HCN1: variants seen among roughly 807,000 people sequenced by gnomAD.
HCN1 encodes the protein potassium/sodium hyperpolarization-activated cyclic nucleotide-gated channel 1.
In HCN1, 13 loss-of-function variants were observed where a neutral mutation model predicts 78.9. The observed-to-expected ratio is 0.16, with a 90% CI of 0.11 to 0.26. The LOEUF is 0.26. HCN1 is among the 10% of genes least tolerant of loss of function. The pLI is 1.00. For synonymous variants in HCN1, 552 were observed against 455.5 expected, an observed-to-expected ratio of 1.21 and a Z score of -2.70; for missense variants, 810 against 1,154.3, an observed-to-expected ratio of 0.70 and a Z score of 4.32.
At chr5:45,601,309 A>G (rs1166945846) in intron 2 of HCN1, among the ~76,000 whole-genome samples, 1 of 152,122 alleles carries the variant, frequency 6.6e-6, no homozygotes, top group Non-Finnish European at 1.5e-5. Flanking sequence ...CCAATAATGA[A>G]TAGATTCTAC....
chr5:45,497,717 C>T (rs1742076420), intron 2 of HCN1, among the ~76,000 whole-genome samples: 1 of 152,108 alleles, frequency 6.6e-6, no homozygotes, highest in South Asian at 2.1e-4. Context: ...TTTGCAGCAG[C>T]TGGTACTGGT....
At chr5:45,498,362 T>C (rs913853655) in intron 2 of HCN1, among the ~76,000 whole-genome samples, 10 of 152,242 alleles carry the variant, frequency 6.6e-5, no homozygotes, top group Non-Finnish European at 1.5e-4. Context: ...ATACTGCTTC[T>C]TCCAGTTCAT....
intron 6 of HCN1, among the ~76,000 whole-genome samples, chr5:45,292,454 T>A (rs1344358478): frequency 6.6e-6 from 1 of 151,984 alleles, no homozygotes; most frequent in Non-Finnish European, 1.5e-5. Flanking sequence ...CTGCTAGACA[T>A]CATTCCTACA....
At chr5:45,270,928 G>A (rs2111852454) in intron 6 of HCN1, among the ~76,000 whole-genome samples, 1 of 151,996 alleles carries the variant, frequency 6.6e-6, no homozygotes, top group East Asian at 1.9e-4. Context: ...TGATTTTCTG[G>A]CCTCTGTCAT....
intron 6 of HCN1, among the ~76,000 whole-genome samples, chr5:45,281,592 T>A (rs1313033038): frequency 1.5e-5 from 2 of 134,254 alleles, no homozygotes; most frequent in Non-Finnish European, 3.2e-5. Flanking sequence ...TTTTTTTTTT[T>A]TTTTTTTTTT....
At chr5:45,425,210 T>A (rs1579885505) in intron 3 of HCN1, among the ~76,000 whole-genome samples, 1 of 152,202 alleles carries the variant, frequency 6.6e-6, no homozygotes, top group Admixed American at 6.5e-5. Context: ...ATGCCCACAC[T>A]TAACAGCTTC....
chr5:45,476,455 C>T (rs1378041082), intron 2 of HCN1, among the ~76,000 whole-genome samples: 1 of 152,138 alleles, frequency 6.6e-6, no homozygotes, highest in African/African-American at 2.4e-5. Context: ...CCCAAGAAAA[C>T]TAAGACAAGG....
intron 3 of HCN1, among the ~76,000 whole-genome samples, chr5:45,414,780 C>T (rs898619281): frequency 7.2e-5 from 11 of 152,038 alleles, no homozygotes; most frequent in Non-Finnish European, 8.8e-5. Flanking sequence ...CCCATTCCTG[C>T]CTAGTGCTTA....
chr5:45,380,712 T>G (rs1747791529), intron 4 of HCN1, among the ~76,000 whole-genome samples: 1 of 152,128 alleles, frequency 6.6e-6, no homozygotes, highest in South Asian at 2.1e-4. Context: ...TTTGTGCCTT[T>G]GTTAGACCTG....
intron 2 of HCN1, among the ~76,000 whole-genome samples, chr5:45,527,730 T>C (rs985061873): frequency 2.6e-5 from 4 of 151,846 alleles, no homozygotes; most frequent in Non-Finnish European, 5.9e-5. Context: ...TAAACGTCTC[T>C]TTTCTCATCT....
intron 2 of HCN1, among the ~76,000 whole-genome samples, chr5:45,532,860 C>A (rs951642411): frequency 6.6e-6 from 1 of 152,136 alleles, no homozygotes; most frequent in Non-Finnish European, 1.5e-5. Flanking sequence ...CTTTTCCTTG[C>A]AAATGGAACT....
At chr5:45,657,272 T>A (rs922363574) in intron 1 of HCN1, among the ~76,000 whole-genome samples, 1 of 152,208 alleles carries the variant, frequency 6.6e-6, no homozygotes, top group African/African-American at 2.4e-5. Flanking sequence ...TCCACTCCAA[T>A]TCACTACAGT....
At chr5:45,428,976 C>T (rs1740409802) in intron 3 of HCN1, among the ~76,000 whole-genome samples, 1 of 151,982 alleles carries the variant, frequency 6.6e-6, no homozygotes, top group Non-Finnish European at 1.5e-5. Context: ...ATACCTAGTA[C>T]AAAATAATAG....
intron 2 of HCN1, among the ~76,000 whole-genome samples, chr5:45,640,174 C>T (rs543922213): frequency 6.6e-6 from 1 of 152,282 alleles, no homozygotes; most frequent in Non-Finnish European, 1.5e-5. Flanking sequence ...TCTTACAAAA[C>T]TGGCATCAGT....
At chr5:45,314,420 A>G (rs1745932047) in intron 5 of HCN1, among the ~76,000 whole-genome samples, 1 of 152,194 alleles carries the variant, frequency 6.6e-6, no homozygotes, top group Non-Finnish European at 1.5e-5. Context: ...GCCACATTGT[A>G]AAGACCGTCA....
At chr5:45,458,674 G>T (rs892115429) in intron 3 of HCN1, among the ~76,000 whole-genome samples, 2 of 152,110 alleles carry the variant, frequency 1.3e-5, no homozygotes, top group African/African-American at 4.8e-5. Context: ...GTTTAGAGCA[G>T]AAATTACAGA....
At chr5:45,359,498 T>C (rs1416615534) in intron 4 of HCN1, among the ~76,000 whole-genome samples, 1 of 151,644 alleles carries the variant, frequency 6.6e-6, no homozygotes, top group Non-Finnish European at 1.5e-5. Flanking sequence ...GTCTTACCTG[T>C]GGGGTATCTA....
At chr5:45,601,417 T>C (rs1017240443) in intron 2 of HCN1, among the ~76,000 whole-genome samples, 13 of 152,184 alleles carry the variant, frequency 8.5e-5, no homozygotes, top group Non-Finnish European at 1.3e-4. Flanking sequence ...TACTGTGGAT[T>C]CTGCCATTGA....
chr5:45,534,273 T>TTA (rs1324922507), intron 2 of HCN1, among the ~76,000 whole-genome samples: 1 of 151,142 alleles, frequency 6.6e-6, no homozygotes, highest in Non-Finnish European at 1.5e-5. Context: ...GGCAGGCGCC[T>TTA]ATAGTCCCAG....
Sources: gnomAD v4.1 joint callset for allele counts (sites outside exome capture counted in the v4.1 genomes callset) on GRCh38, gnomAD v4.1.1 for gene constraint, MANE v1.5 for transcripts, NCBI Gene and HGNC (gene_info 2026-07-23, HGNC 2026-07-21) for gene names.